Variants in CDV3 observed in about 807,000 individuals in gnomAD.
CDV3 encodes protein CDV3 homolog.
CDV3 carries 14 observed loss-of-function variants against 24.5 expected under a neutral mutation model. The observed-to-expected ratio is 0.57, with a 90% CI of 0.38 to 0.89. The LOEUF (loss-of-function observed/expected upper bound fraction) is 0.89, where lower values mean the gene tolerates loss of function less well. Ranked by LOEUF, CDV3 falls within the 40% of genes least tolerant of loss-of-function variation. The pLI is 0.00. For missense variants in CDV3, 304 were observed against 310.2 expected (o/e 0.98, Z 0.15); for synonymous variants, 114 against 114.1 (o/e 1.00, Z 0.00).
At chr3:133,579,414 C>T (rs867896345) in intron 2 of CDV3, among the ~76,000 whole-genome samples, 1 of 152,212 alleles carries the variant, frequency 6.6e-6, no homozygotes, top group Admixed American at 6.5e-5. Context: ...CCGTTTGGAA[C>T]GTGTTTCTTG....
At chr3:133,586,227 C>T (rs1036667959) in intron 3 of CDV3, among the ~76,000 whole-genome samples, 3 of 152,188 alleles carry the variant, frequency 2.0e-5, no homozygotes, top group Admixed American at 2.0e-4. Flanking sequence ...CCCTGAGTAG[C>T]TGGGATTACA....
chr3:133,587,298 G>A (rs1933710243), intron 4 of CDV3: 2 of 1,262,192 alleles, frequency 1.6e-6, no homozygotes, highest in East Asian at 6.3e-5. Flanking sequence ...GTGTTTTTTG[G>A]GGTGGCTTTT....
chr3:133,585,852 A>G (rs373401098), intron 3 of CDV3, among the ~76,000 whole-genome samples: 4 of 152,298 alleles, frequency 2.6e-5, no homozygotes, highest in Admixed American at 6.5e-5. Flanking sequence ...AATTCTTTAC[A>G]TATGGCATCT....
chr3:133,580,546 C>T (rs1316359445), intron 2 of CDV3, among the ~76,000 whole-genome samples: 1 of 151,980 alleles, frequency 6.6e-6, no homozygotes, highest in African/African-American at 2.4e-5. Context: ...CTACTAAATA[C>T]AAAAAATTAG....
rs558680025 is a variant in CDV3, at chr3:133,590,115, C to T, written c.*2069C>T. On this transcript the variant is annotated 3_prime_UTR_variant, in exon 5 of 5. Coordinates refer to ENST00000264993, the MANE Select transcript of CDV3 (RefSeq NM_017548.5). ...ACTTTTTAAAAGATTGTGAAAATAT[C>T]AAAATATAAATGAATCAAGTTTTAA... 6 of 152,080 alleles carry T rather than the reference C, an allele frequency of 3.9e-5. No homozygotes were observed. Among genetic ancestry groups the T allele is most frequent in the Non-Finnish European group, 8.8e-5 (6 of 68,014 alleles). The allele number at this position is 152,080 out of a possible 1,614,324, so 9.4% of individuals were successfully genotyped here.
intron 2 of CDV3, among the ~76,000 whole-genome samples, chr3:133,580,954 T>C (rs1932956815): frequency 6.6e-6 from 1 of 152,216 alleles, no homozygotes; most frequent in Admixed American, 6.5e-5. Flanking sequence ...AGGTGTATTT[T>C]AAATTTGAGA....
intron 4 of CDV3, chr3:133,587,473 C>G (rs1205270222): frequency 8.8e-7 from 1 of 1,136,890 alleles, no homozygotes; most frequent in Non-Finnish European, 1.1e-6. Flanking sequence ...ATCAGATCCA[C>G]TCCCACAAAA....
In CDV3 at chr3:133,589,078, T is replaced by G. The variant is rs1576664910; in HGVS notation, c.*1032T>G. ...GCCTCATCTAATCAGGACTAAATTG[T>G]GTAGGAAACTGCAGTGGGAAGAATA... is the stretch of plus-strand genomic sequence containing the variant. On this transcript the variant is annotated 3_prime_UTR_variant, in exon 5 of 5. Coordinates refer to ENST00000264993, the MANE Select transcript of CDV3 (RefSeq NM_017548.5). 6.5e-6 allele frequency: 1 copy of G among 152,682 alleles called. No individual in the cohort carries two copies. Among genetic ancestry groups the G allele is most frequent in the Non-Finnish European group, 1.5e-5 (1 of 68,090 alleles). The allele number at this position is 152,682 out of a possible 1,614,324, so 9.5% of individuals were successfully genotyped here.
At chr3:133,576,361 G>A (rs2074806784) in intron 2 of CDV3, among the ~76,000 whole-genome samples, 1 of 152,158 alleles carries the variant, frequency 6.6e-6, no homozygotes, top group Non-Finnish European at 1.5e-5. Context: ...GTCTCCTGGG[G>A]CTTGACCTGT....
At position 133,588,048 on chromosome 3, in the gene CDV3, G is replaced by A; in HGVS notation, c.*2G>A. Reference sequence around the variant, plus strand: ...AGCAGCCACTCACAATACAATTAAGGAATGGGCTTTGCTAACCCTTCTGAG... The same window carrying A: ...AGCAGCCACTCACAATACAATTAAGAAATGGGCTTTGCTAACCCTTCTGAG... On this transcript the variant is annotated 3_prime_UTR_variant, in exon 5 of 5. Transcript: ENST00000264993. The A allele has an allele frequency of 6.2e-7, 1 of 1,611,934 alleles. No individual in the cohort carries two copies. The highest frequency in any genetic ancestry group is 8.5e-7 in the Non-Finnish European group (1 of 1,179,380).
intron 2 of CDV3, among the ~76,000 whole-genome samples, chr3:133,578,580 C>T (rs1411862795): frequency 6.6e-6 from 1 of 152,322 alleles, no homozygotes. Context: ...GTGCATGGTG[C>T]TCTGGGGCAG....
intron 2 of CDV3, among the ~76,000 whole-genome samples, chr3:133,582,582 A>C (rs1209497012): frequency 2.6e-5 from 4 of 152,244 alleles, no homozygotes; most frequent in Non-Finnish European, 4.4e-5. Context: ...ATGGAAGGAA[A>C]GCATCCTTAG....
At chr3:133,576,169 T>G (rs1447925523) in intron 2 of CDV3, among the ~76,000 whole-genome samples, 2 of 152,252 alleles carry the variant, frequency 1.3e-5, no homozygotes, top group Admixed American at 6.5e-5. Flanking sequence ...TGTCCTACTG[T>G]GAAAACATCA....
Position 133,575,023 on chromosome 3 carries a change from G to T in CDV3, c.241-16G>T. The T allele has an allele frequency of 6.6e-7, 1 of 1,514,166 alleles. No individual in the cohort carries two copies. Among genetic ancestry groups the T allele is most frequent in the South Asian group, 1.1e-5 (1 of 88,892 alleles). 93.8% of individuals were successfully genotyped at this position (1,514,166 alleles called of 1,614,324 possible). On this transcript the variant is annotated splice_polypyrimidine_tract_variant and intron_variant, in intron 1 of 4. Coordinates refer to ENST00000264993, the MANE Select transcript of CDV3 (RefSeq NM_017548.5). ...TACAAATAGCTTTAATTGATCAAAT[G>T]GCGTTTGTTTTACAGGACGAAGATG...
chr3:133,575,015 G>A (rs769138119), intron 1 of CDV3, 24 bp from the exon 2 acceptor site: 4 of 1,462,118 alleles, frequency 2.7e-6, no homozygotes, highest in Non-Finnish European at 3.8e-6. Context: ...AGCTTTAATT[G>A]ATCAAATGGC....
Position 133,574,070 on chromosome 3 carries a change from TG to T in CDV3, c.28del (p.Asp10ThrfsTer69). 8.1e-7 allele frequency: 1 copy of T among 1,233,642 alleles called. No homozygotes were observed. Among genetic ancestry groups the T allele is most frequent in the Non-Finnish European group, 1.0e-6 (1 of 962,682 alleles). The allele number at this position is 1,233,642 out of a possible 1,614,324, so 76.4% of individuals were successfully genotyped here. A position where few individuals can be genotyped will look rare whatever the true frequency, so the allele number is the denominator to read the frequency against. ...ATGGCTGAGACGGAGGAGCGGAGCC[TG>T]GACAACTTCTTTGCCAAGAGGGACA... is the stretch of plus-strand genomic sequence containing the variant. MAETEERS[L>X]DNFFAKRDKK... On this transcript the variant is annotated frameshift_variant, in exon 1 of 5. Coordinates refer to ENST00000264993, the MANE Select transcript of CDV3 (RefSeq NM_017548.5). LOFTEE classifies it high-confidence loss of function.
At chr3:133,586,115 A>G (rs181099381) in intron 3 of CDV3, among the ~76,000 whole-genome samples, 16 of 152,128 alleles carry the variant, frequency 1.1e-4, no homozygotes, top group African/African-American at 3.6e-4. Context: ...CTTTTTTGAG[A>G]GCCGGAGTCT....
In CDV3 at chr3:133,590,088, T is replaced by A. The variant is rs1181064419; in HGVS notation, c.*2042T>A. Reference sequence around the variant, plus strand: ...CAGATTTAAATTACAACTCTTGTTATAACTTTTTAAAAGATTGTGAAAATA... The same window carrying A: ...CAGATTTAAATTACAACTCTTGTTAAAACTTTTTAAAAGATTGTGAAAATA... On this transcript the variant is annotated 3_prime_UTR_variant, in exon 5 of 5. Transcript: ENST00000264993. The A allele has an allele frequency of 6.6e-6, 1 of 152,232 alleles. No homozygotes were observed. The highest frequency in any genetic ancestry group is 1.5e-5 in the Non-Finnish European group (1 of 68,040). The allele number at this position is 152,232 out of a possible 1,614,324, so 9.4% of individuals were successfully genotyped here.
At chr3:133,587,775 C>A in intron 4 of CDV3, 121 bp from the exon 5 acceptor site, 3 of 1,461,108 alleles carry the variant, frequency 2.1e-6, no homozygotes, top group Admixed American at 2.7e-5. Flanking sequence ...CTATATGCCT[C>A]CACTCCTACC....
Sources: gnomAD v4.1 joint callset for allele counts (sites outside exome capture counted in the v4.1 genomes callset) on GRCh38, gnomAD v4.1.1 for gene constraint, MANE v1.5 for transcripts, NCBI Gene and HGNC (gene_info 2026-07-23, HGNC 2026-07-21) for gene names.